The following BLOC1S3 variants were observed in gnomAD, a reference collection of about 807,000 sequenced individuals.
BLOC1S3 encodes biogenesis of lysosome-related organelles complex 1 subunit 3.
In BLOC1S3, 7 loss-of-function variants were observed where a neutral mutation model predicts 9.1. That is an observed-to-expected ratio of 0.77 (90% CI 0.44 to 1.45). The LOEUF (loss-of-function observed/expected upper bound fraction) is 1.45. Ranked by LOEUF, BLOC1S3 falls within the 40% of genes most tolerant of loss-of-function variation. The pLI is 0.01. For synonymous variants in BLOC1S3, 145 were observed against 158.4 expected (o/e 0.92, Z 0.64); for missense variants, 307 against 315.2 (o/e 0.97, Z 0.20).
In BLOC1S3 at chr19:45,179,382, G is replaced by T; in HGVS notation, c.86G>T (p.Arg29Leu). ...GAGGCGACCGAGACGGATTCCGAGC[G>T]CTCTGCGTCCTCGTCGGAGGAGGAG... ...PGEATETDSERSASSSEEEEL... is the reference protein window; with the variant it reads ...PGEATETDSELSASSSEEEEL... Residue 29 changes from arginine to leucine, a missense_variant, in exon 2 of 2, where the codon CGC (arginine) becomes CTC (leucine). Physicochemically the swap from Arg to Leu is moderately radical, Grantham distance 102. Coordinates refer to ENST00000433642, the MANE Select transcript of BLOC1S3 (RefSeq NM_212550.5). This position sits in a 1 kb window ranked among gnomAD's most constrained non-coding sequence, Gnocchi z 4.6. The T allele has an allele frequency of 6.3e-7, 1 of 1,581,344 alleles. No homozygotes were observed. The highest frequency in any genetic ancestry group is 8.5e-7 in the Non-Finnish European group (1 of 1,171,914).
At chr19:45,207,580 A>C (rs1256784039) in intron 3 of BLOC1S3, among the ~76,000 whole-genome samples, 9 of 147,188 alleles carry the variant, frequency 6.1e-5, no homozygotes, top group South Asian at 2.1e-4. Context: ...AAAAAAAAAA[A>C]AAAAAACCTA....
chr19:45,192,735 C>T (rs1238632789), intron 2 of BLOC1S3, among the ~76,000 whole-genome samples: 3 of 152,138 alleles, frequency 2.0e-5, no homozygotes, highest in African/African-American at 4.8e-5. Context: ...TGGAATGGGG[C>T]CCTCAGGACC....
At chr19:45,193,624 A>G (rs1378665784) in intron 2 of BLOC1S3, among the ~76,000 whole-genome samples, 1 of 151,624 alleles carries the variant, frequency 6.6e-6, no homozygotes, top group Non-Finnish European at 1.5e-5. Flanking sequence ...CTTTTGGAGT[A>G]TTATAATATG....
rs1042934579 is a variant in BLOC1S3, at chr19:45,202,162, A to C, written n.181-244A>C. Among the ~76,000 whole-genome samples, 34 of 138,438 alleles carry C rather than the reference A, an allele frequency of 2.5e-4. 1 individual carries two copies. In the Admixed American group the frequency reaches 2.8e-3, roughly 11 times the overall value. The allele number at this position is 138,438 out of a possible 152,430, so 90.8% of individuals were successfully genotyped here. On this transcript the variant is annotated intron_variant and non_coding_transcript_variant, in intron 2 of 3. Transcript: ENST00000591569. ...GGGAGGCAGAGCTTGCAGTTAGCCC[A>C]GACTGTGCCACTGCACTCCAGCCTG... is the stretch of plus-strand genomic sequence containing the variant.
chr19:45,184,358 CAAT>C (rs1014582330), downstream of BLOC1S3, among the ~76,000 whole-genome samples: 6 of 152,150 alleles, frequency 3.9e-5, no homozygotes, highest in Admixed American at 6.5e-5. Flanking sequence ...GTAATCCCAG[CAAT>C]TTGGGAAGCC....
intron 3 of BLOC1S3, chr19:45,215,938 TCCAGCAGGAAACGGC>T: frequency 7.8e-7 from 1 of 1,274,070 alleles, no homozygotes; most frequent in Non-Finnish European, 1.1e-6. Context: ...ATGCCCTGGT[TCCAGCAGGAAACGGC>T]CGTCAGACAC....
intron 3 of BLOC1S3, among the ~76,000 whole-genome samples, chr19:45,202,993 A>G (rs1223224477): frequency 1.3e-5 from 2 of 151,952 alleles, no homozygotes; most frequent in Non-Finnish European, 2.9e-5. Flanking sequence ...CTGGTGCCCT[A>G]TCCTCCTATG....
chr19:45,192,358 C>G (rs560340209), intron 2 of BLOC1S3, among the ~76,000 whole-genome samples: 10 of 152,172 alleles, frequency 6.6e-5, no homozygotes, highest in Non-Finnish European at 1.3e-4. Context: ...GAAATGACAT[C>G]CAAGAGCCAA....
At chr19:45,204,276 G>A (rs574958524) in intron 3 of BLOC1S3, among the ~76,000 whole-genome samples, 8 of 147,382 alleles carry the variant, frequency 5.4e-5, no homozygotes, top group African/African-American at 2.0e-4. Flanking sequence ...GCAAACCTCC[G>A]CCTCCTGGGT....
chr19:45,191,365 C>G (rs910813293), intron 2 of BLOC1S3, among the ~76,000 whole-genome samples: 6 of 152,158 alleles, frequency 3.9e-5, no homozygotes, highest in African/African-American at 1.2e-4. Flanking sequence ...AGGTGATCTG[C>G]CCGCCTCGGC....
chr19:45,209,008 CAGG>C (rs960371994), intron 3 of BLOC1S3, among the ~76,000 whole-genome samples: 5 of 151,580 alleles, frequency 3.3e-5, no homozygotes, highest in African/African-American at 1.2e-4. Flanking sequence ...GGAGTAAGTT[CAGG>C]AGATCTATTG....
At chr19:45,199,363 T>C (rs1348778713) in intron 2 of BLOC1S3, among the ~76,000 whole-genome samples, 1 of 137,754 alleles carries the variant, frequency 7.3e-6, no homozygotes, top group Non-Finnish European at 1.5e-5. Context: ...GTCTCCAGGC[T>C]GGAGCACAGT....
rs540341633 is a variant in BLOC1S3 at position 45,200,870 on chromosome 19, G to C, written n.181-1536G>C. On this transcript the variant is annotated intron_variant and non_coding_transcript_variant, in intron 2 of 3. Transcript: ENST00000591569. ...ACTGCAGCTGTATCTGCATTAGGGG[G>C]CACCCCAGGCTCAGTAATGCTGTGA... Among the ~76,000 whole-genome samples, 13 of 152,314 alleles carry C rather than the reference G, an allele frequency of 8.5e-5. No individual in the cohort carries two copies. The South Asian group carries it at 2.7e-3, about 32-fold the overall frequency.
At chr19:45,216,588 GAATAAA>G (rs1229758222) in intron 3 of BLOC1S3, 4 of 153,324 alleles carry the variant, frequency 2.6e-5, no homozygotes, top group African/African-American at 4.8e-5. Context: ...CAAAAATAAA[GAATAAA>G]AATAAAAATA....
intron 2 of BLOC1S3, among the ~76,000 whole-genome samples, chr19:45,200,694 G>A (rs893364052): frequency 2.0e-5 from 3 of 152,148 alleles, no homozygotes; most frequent in African/African-American, 7.2e-5. Flanking sequence ...ATGTTTTCCT[G>A]GATGGTGTCA....
At chr19:45,210,184 A>G (rs962770424) in intron 3 of BLOC1S3, among the ~76,000 whole-genome samples, 2 of 151,794 alleles carry the variant, frequency 1.3e-5, no homozygotes, top group African/African-American at 2.4e-5. Context: ...GCTTAGGGCT[A>G]GAAAGTTACT....
At chr19:45,213,361 T>G (rs1346567091) in intron 3 of BLOC1S3, 2 of 1,612,838 alleles carry the variant, frequency 1.2e-6, no homozygotes, top group Non-Finnish European at 1.7e-6. Flanking sequence ...CTTCTGCCTG[T>G]GGGGAGAGGA....
At chr19:45,195,573 C>CCCTCCCTCCCTCCCTCTCTCCCTT (rs1969641767) in intron 2 of BLOC1S3, among the ~76,000 whole-genome samples, 1 of 140,416 alleles carries the variant, frequency 7.1e-6, no homozygotes, top group African/African-American at 2.6e-5. Flanking sequence ...CTCCCTCCCT[C>CCCTCCCTCCCTCCCTCTCTCCCTT]CCTCCCTCCC....
At chr19:45,216,572 CTG>C (rs1969837610) in intron 3 of BLOC1S3, 1 of 155,716 alleles carries the variant, frequency 6.4e-6, no homozygotes, top group South Asian at 2.0e-4. Context: ...GAGCGAGACT[CTG>C]TCTCAAAAAT....
Sources: gnomAD v4.1 joint callset for allele counts (sites outside exome capture counted in the v4.1 genomes callset) on GRCh38, gnomAD v4.1.1 for gene constraint, Gnocchi (gnomAD v3.1) non-coding constraint, MANE v1.5 for transcripts, NCBI Gene and HGNC (gene_info 2026-07-23, HGNC 2026-07-21) for gene names.